The following DLGAP4 variants were observed in gnomAD, a reference collection of about 807,000 sequenced individuals.
The protein encoded by DLGAP4 is DLG associated protein 4.
In DLGAP4, 18 loss-of-function variants were observed where a neutral mutation model predicts 86.9. The ratio of observed to expected loss-of-function variants is 0.21; its 90% CI spans 0.14 to 0.31. The LOEUF (loss-of-function observed/expected upper bound fraction) is 0.31, where lower values mean the gene tolerates loss of function less well. Ranked by LOEUF, DLGAP4 falls within the 10% of genes least tolerant of loss-of-function variation. The pLI is 1.00. For synonymous variants in DLGAP4, 548 were observed against 574.3 expected, an observed-to-expected ratio of 0.95 and a Z score of 0.65; for missense variants, 1,085 against 1,362.6, an observed-to-expected ratio of 0.80 and a Z score of 3.21.
intron 1 of DLGAP4, among the ~76,000 whole-genome samples, chr20:36,343,044 A>G (rs782331460): frequency 3.9e-5 from 6 of 152,090 alleles, no homozygotes; most frequent in East Asian, 1.9e-4. Context: ...AGGATGCTAG[A>G]GAGGAGCGGG....
chr20:36,407,279 G>A (rs2032351543), intron 2 of DLGAP4, among the ~76,000 whole-genome samples: 1 of 152,162 alleles, frequency 6.6e-6, no homozygotes, highest in Non-Finnish European at 1.5e-5. Context: ...GTTTAAGGCT[G>A]CAGTGAGCCA....
At chr20:36,505,054 C>A (rs1414388309) in intron 10 of DLGAP4, among the ~76,000 whole-genome samples, 1 of 150,690 alleles carries the variant, frequency 6.6e-6, no homozygotes, top group Non-Finnish European at 1.5e-5. Context: ...GTGACGTGAT[C>A]TTGGCTCACT....
In DLGAP4 at chr20:36,466,997, GTCTC is replaced by G. The variant is rs550402174; in HGVS notation, c.1648+20077_1648+20080del. On this transcript the variant is annotated intron_variant, in intron 7 of 12. Coordinates refer to ENST00000339266, the MANE Select transcript of DLGAP4 (RefSeq NM_001365621.2). ...CTCCTCTCTCTCTCTCTCTGTCTCT[GTCTC>G]TCTCTCTCTCTCTCTCCTCTCTCTC... 9.5e-3 allele frequency among the ~76,000 whole-genome samples: 368 copies of G among 38,646 alleles called. 12 individuals are homozygous for G. Among genetic ancestry groups the G allele is most frequent in the African/African-American group, 0.04 (347 of 8,768 alleles). The allele number at this position is 38,646 out of a possible 152,430, so 25.4% of individuals were successfully genotyped here. A position where few individuals can be genotyped will look rare whatever the true frequency, so the allele number is the denominator to read the frequency against.
At chr20:36,325,848 G>T (rs1400787106) in intron 1 of DLGAP4, among the ~76,000 whole-genome samples, 3 of 151,788 alleles carry the variant, frequency 2.0e-5, no homozygotes, top group African/African-American at 7.3e-5. Context: ...CTCCTGAGTA[G>T]CTGGGATTAT....
At chr20:36,399,066 A>G (rs1488956958) in intron 2 of DLGAP4, among the ~76,000 whole-genome samples, 1 of 152,122 alleles carries the variant, frequency 6.6e-6, no homozygotes, top group African/African-American at 2.4e-5. Flanking sequence ...GGTGGTGCAT[A>G]TCTGTAATCC....
At chr20:36,509,577 TAAATA>T (rs1481524853) in intron 10 of DLGAP4, among the ~76,000 whole-genome samples, 2 of 151,456 alleles carry the variant, frequency 1.3e-5, no homozygotes, top group African/African-American at 4.8e-5. Flanking sequence ...TCTCAAAAAA[TAAATA>T]AATAATAATA....
intron 11 of DLGAP4, 90 bp downstream of exon 11, chr20:36,524,431 C>T (rs2037574786): frequency 2.8e-6 from 3 of 1,074,094 alleles, no homozygotes; most frequent in Non-Finnish European, 2.7e-6. Flanking sequence ...TCTGTGCCCT[C>T]CTCTGTAACA....
chr20:36,411,829 G>C (rs6130869), intron 2 of DLGAP4, among the ~76,000 whole-genome samples: 88,217 of 151,998 alleles, frequency 0.58, 25,730 homozygotes, highest in Middle Eastern at 0.66. Context: ...CTTTGGCCAT[G>C]ATTTTGTCTC....
intron 2 of DLGAP4, among the ~76,000 whole-genome samples, chr20:36,385,564 C>T (rs1214853691): frequency 6.6e-6 from 1 of 152,194 alleles, no homozygotes; most frequent in Non-Finnish European, 1.5e-5. Context: ...GCTGGGGCAG[C>T]ACCTGGCAGT....
intron 7 of DLGAP4, among the ~76,000 whole-genome samples, chr20:36,476,277 C>G (rs1238049366): frequency 6.6e-6 from 1 of 150,392 alleles, no homozygotes; most frequent in African/African-American, 2.4e-5. Flanking sequence ...CTATTAAACA[C>G]TAACTCCCCA....
intron 7 of DLGAP4, among the ~76,000 whole-genome samples, chr20:36,478,802 G>T (rs1334299256): frequency 6.6e-6 from 1 of 152,186 alleles, no homozygotes; most frequent in Admixed American, 6.5e-5. Flanking sequence ...GTGTGATCCC[G>T]AACAGAGCCT....
intron 2 of DLGAP4, among the ~76,000 whole-genome samples, chr20:36,379,239 T>G (rs1427532351): frequency 1.3e-5 from 2 of 151,964 alleles, no homozygotes; most frequent in Non-Finnish European, 2.9e-5. Context: ...GTTGGGAAGG[T>G]GGCCGAAGCC....
chr20:36,447,536 T>G (rs1214149055), intron 7 of DLGAP4, among the ~76,000 whole-genome samples: 6 of 152,184 alleles, frequency 3.9e-5, no homozygotes, highest in African/African-American at 1.4e-4. Context: ...TTCTCATTCT[T>G]CAGCCTCCCA....
chr20:36,465,923 G>A lies in DLGAP4; in HGVS notation c.1648+18986G>A, dbSNP rs1264036406. Among the ~76,000 whole-genome samples, 3 of 152,048 alleles carry A rather than the reference G, an allele frequency of 2.0e-5. 1 individual carries two copies. Among genetic ancestry groups the A allele is most frequent in the Middle Eastern group, 6.3e-3 (2 of 316 alleles). ...CCCCTAGAGGCCCACACTGTCAAAT[G>A]CCACCTCCCCCAGGAAGTTTGTCCT... is the stretch of plus-strand genomic sequence containing the variant. On this transcript the variant is annotated intron_variant, in intron 7 of 12. Coordinates refer to ENST00000339266, the MANE Select transcript of DLGAP4 (RefSeq NM_001365621.2).
At chr20:36,445,846 A>G (rs2033578261) in intron 6 of DLGAP4, among the ~76,000 whole-genome samples, 1 of 152,170 alleles carries the variant, frequency 6.6e-6, no homozygotes, top group Admixed American at 6.5e-5. Flanking sequence ...ACATGGCCTG[A>G]GACATGGGTC....
At chr20:36,498,139 A>C (rs1346934209) in intron 8 of DLGAP4, 2 of 152,302 alleles carry the variant, frequency 1.3e-5, no homozygotes, top group Admixed American at 6.5e-5. Flanking sequence ...AGCGTGGGAC[A>C]CAAAGTGGAG....
intron 7 of DLGAP4, among the ~76,000 whole-genome samples, chr20:36,455,554 C>T (rs1299647044): frequency 6.6e-6 from 1 of 152,180 alleles, no homozygotes; most frequent in East Asian, 1.9e-4. Flanking sequence ...CTGGGAACCA[C>T]CCTTGCTCCT....
chr20:36,337,344 A>G (rs1475884366), intron 1 of DLGAP4, among the ~76,000 whole-genome samples: 2 of 126,242 alleles, frequency 1.6e-5, no homozygotes, highest in Non-Finnish European at 3.3e-5. Flanking sequence ...GATGGGAGGG[A>G]AGTGGTGGGG....
At chr20:36,413,835 T>A (rs1315561685) in intron 2 of DLGAP4, among the ~76,000 whole-genome samples, 1 of 152,218 alleles carries the variant, frequency 6.6e-6, no homozygotes, top group Non-Finnish European at 1.5e-5. Flanking sequence ...AGAACTTCAT[T>A]CCTTCTTATG....
Sources: gnomAD v4.1 joint callset for allele counts (sites outside exome capture counted in the v4.1 genomes callset) on GRCh38, gnomAD v4.1.1 for gene constraint, MANE v1.5 for transcripts, NCBI Gene and HGNC (gene_info 2026-07-23, HGNC 2026-07-21) for gene names.